SHLD2: variants seen among roughly 807,000 people sequenced by gnomAD.
The protein encoded by SHLD2 is RINN1-REV7-interacting novel NHEJ regulator 2.
SHLD2 carries 30 observed loss-of-function variants against 73.2 expected under a neutral mutation model. The observed-to-expected ratio is 0.41, with a 90% CI of 0.31 to 0.56. SHLD2 has a LOEUF of 0.56. Ranked by LOEUF, SHLD2 falls within the 20% of genes least tolerant of loss-of-function variation. The pLI is 0.28. For synonymous variants in SHLD2, 285 were observed against 370.1 expected (o/e 0.77, Z 2.64); for missense variants, 745 against 1,055.9 (o/e 0.71, Z 4.08).
chr10:87,156,827 A>C (rs1481603234), intron 3 of SHLD2, among the ~76,000 whole-genome samples: 1 of 152,178 alleles, frequency 6.6e-6, no homozygotes, highest in Non-Finnish European at 1.5e-5. Context: ...GTGGGGAACC[A>C]CTGTTTTTTA....
intron 2 of SHLD2, among the ~76,000 whole-genome samples, chr10:87,136,448 TC>T (rs1249226571): frequency 6.6e-6 from 1 of 150,824 alleles, no homozygotes; most frequent in Non-Finnish European, 1.5e-5. Flanking sequence ...GAAACCAAGA[TC>T]TAGGTGCTAG....
intron 4 of SHLD2, among the ~76,000 whole-genome samples, chr10:87,159,294 C>T (rs556383496): frequency 6.6e-6 from 1 of 152,100 alleles, no homozygotes; most frequent in South Asian, 2.1e-4. Context: ...GGTGGCCCAT[C>T]AGCAGAAAAC....
intron 9 of SHLD2, among the ~76,000 whole-genome samples, chr10:87,188,209 C>T (rs1414755407): frequency 6.6e-6 from 1 of 152,116 alleles, no homozygotes; most frequent in Non-Finnish European, 1.5e-5. Context: ...TAGCCCTGTC[C>T]CTTATGTGGC....
At chr10:87,129,245 C>T (rs1458040614) in intron 2 of SHLD2, among the ~76,000 whole-genome samples, 2 of 152,130 alleles carry the variant, frequency 1.3e-5, no homozygotes, top group Non-Finnish European at 2.9e-5. Context: ...TGTACCACCA[C>T]GACTGGCTAA....
At chr10:87,094,826 C>G, upstream of SHLD2, 3 of 1,332,412 alleles carry the variant, frequency 2.3e-6, no homozygotes, top group Non-Finnish European at 3.1e-6. The surrounding 1 kb of genome is among the most constrained non-coding windows in gnomAD (Gnocchi z 6.6). Context: ...CTTTCTCAGA[C>G]TCCCCGCGAC....
chr10:87,180,071 G>A lies in SHLD2; in HGVS notation c.2171-4G>A, dbSNP rs371394387. 1.5e-5 allele frequency: 24 copies of A among 1,612,014 alleles called. No individual in the cohort carries two copies. The South Asian group carries it at 1.9e-4, about 13-fold the overall frequency. ...TTTATAATATATCTGTTTGTTGTTT[G>A]TAGGAGTGGTTCTGATTAAAGCCCA... On this transcript the variant is annotated splice_polypyrimidine_tract_variant and splice_region_variant and intron_variant, in intron 7 of 9. Transcript: ENST00000298786.
At chr10:87,133,217 T>C (rs1178550915) in intron 2 of SHLD2, among the ~76,000 whole-genome samples, 1 of 152,188 alleles carries the variant, frequency 6.6e-6, no homozygotes, top group East Asian at 1.9e-4. Context: ...GTGTTTTGCT[T>C]CTTTTATTTT....
At chr10:87,135,553 T>C (rs2134185300) in intron 2 of SHLD2, among the ~76,000 whole-genome samples, 1 of 152,168 alleles carries the variant, frequency 6.6e-6, no homozygotes, top group Non-Finnish European at 1.5e-5. Context: ...AGTGCAGTGG[T>C]ATGATGACAG....
In SHLD2 at chr10:87,151,804, A is replaced by C. The variant is rs1023249725; in HGVS notation, c.450A>C (p.Glu150Asp). 2 of 1,611,972 alleles carry C rather than the reference A, an allele frequency of 1.2e-6. No individual in the cohort carries two copies. Among genetic ancestry groups the C allele is most frequent in the Non-Finnish European group, 1.7e-6 (2 of 1,179,830 alleles). Reference protein sequence around the residue: ...KLLSENKIRDEQPKHQPDICG... With the variant: ...KLLSENKIRDDQPKHQPDICG... ...TCAGTGAAAATAAAATTAGAGATGA[A>C]CAGCCTAAACATCAGCCAGATATAT... The change falls in exon 3 of 10, where the codon GAA becomes GAC. Residue 150 changes from glutamate (E) to aspartate (D), a missense_variant. By Grantham distance (45) the Glu-to-Asp change is conservative (BLOSUM62 2). This residue lies in a region of SHLD2 where 280 missense variants were observed against 353.9 expected (regional missense o/e 0.79). Transcript: ENST00000298786.
chr10:87,141,310 T>G (rs1178783162), intron 2 of SHLD2, among the ~76,000 whole-genome samples: 1 of 151,100 alleles, frequency 6.6e-6, no homozygotes, highest in East Asian at 2.0e-4. Flanking sequence ...ATGTTACAAT[T>G]AGAAGAAATA....
intron 3 of SHLD2, among the ~76,000 whole-genome samples, chr10:87,155,012 G>T (rs1048880725): frequency 6.6e-6 from 1 of 152,170 alleles, no homozygotes; most frequent in Non-Finnish European, 1.5e-5. Context: ...TCTGCTCACT[G>T]CAAGCTCCGC....
intron 6 of SHLD2, among the ~76,000 whole-genome samples, chr10:87,175,116 CAAAAAA>C (rs55718551): frequency 1.2e-5 from 1 of 84,744 alleles, no homozygotes; most frequent in Non-Finnish European, 2.4e-5. Flanking sequence ...GACTCCATCT[CAAAAAA>C]AAAAAAAAAA....
At chr10:87,154,721 T>A (rs1304756253) in intron 3 of SHLD2, among the ~76,000 whole-genome samples, 1 of 152,180 alleles carries the variant, frequency 6.6e-6, no homozygotes, top group African/African-American at 2.4e-5. Flanking sequence ...TTGTGTTACA[T>A]GTTCTTTGTT....
intron 4 of SHLD2, among the ~76,000 whole-genome samples, chr10:87,161,530 A>G (rs927922085): frequency 1.3e-5 from 2 of 152,194 alleles, no homozygotes; most frequent in African/African-American, 4.8e-5. Flanking sequence ...CATTTACTAT[A>G]GTAATAAAGA....
chr10:87,151,332 A>G lies in SHLD2; in HGVS notation c.-5-18A>G, dbSNP rs781336605. On this transcript the variant is annotated intron_variant, in intron 2 of 9. Transcript: ENST00000298786. ...TATGCTGACAATATATTAATTTTGG[A>G]TTTTTCATTTTTATCAGAAATCATG... The G allele has an allele frequency of 2.1e-6, 3 of 1,450,906 alleles. No individual in the cohort carries two copies. The African/African-American group carries it at 4.3e-5, about 21-fold the overall frequency. 89.9% of individuals were successfully genotyped at this position (1,450,906 alleles called of 1,614,324 possible).
At chr10:87,133,993 G>A in intron 2 of SHLD2, among the ~76,000 whole-genome samples, 1 of 152,182 alleles carries the variant, frequency 6.6e-6, no homozygotes, top group Non-Finnish European at 1.5e-5. Context: ...CATTTCAGAT[G>A]GAAATGAGGA....
At chr10:87,123,214 A>G (rs1843746796) in intron 2 of SHLD2, among the ~76,000 whole-genome samples, 1 of 152,238 alleles carries the variant, frequency 6.6e-6, no homozygotes, top group South Asian at 2.1e-4. Context: ...TTTTAAAGGG[A>G]TACCAAAATA....
At chr10:87,119,100 G>A (rs897786926) in intron 2 of SHLD2, among the ~76,000 whole-genome samples, 1 of 149,986 alleles carries the variant, frequency 6.7e-6, no homozygotes, top group African/African-American at 2.5e-5. Context: ...TAGTTGGAAA[G>A]GAAACAACAG....
intron 2 of SHLD2, among the ~76,000 whole-genome samples, chr10:87,109,488 A>G (rs9420437): frequency 0.32 from 48,219 of 151,852 alleles, 8,400 homozygotes; most frequent in East Asian, 0.74. Context: ...TGGTAGAGAC[A>G]GTGTTTCGCC....
Sources: gnomAD v4.1 joint callset for allele counts (sites outside exome capture counted in the v4.1 genomes callset) on GRCh38, gnomAD v4.1.1 for gene constraint, gnomAD v4.1.1 regional missense constraint, Gnocchi (gnomAD v3.1) non-coding constraint, MANE v1.5 for transcripts, NCBI Gene and HGNC (gene_info 2026-07-23, HGNC 2026-07-21) for gene names.